PCDH15: variants seen among roughly 807,000 people sequenced by gnomAD.
The protein encoded by PCDH15 is protocadherin related 15.
Under a neutral mutation model 178.5 loss-of-function variants are expected in PCDH15, and 129 were observed. The ratio of observed to expected loss-of-function variants is 0.72; its 90% CI spans 0.63 to 0.84. The LOEUF (loss-of-function observed/expected upper bound fraction) is 0.84, where lower values mean the gene tolerates loss of function less well. PCDH15 is among the 40% of genes least tolerant of loss of function. PCDH15 has a pLI of 0.00. For missense variants in PCDH15, 2,230 were observed against 2,099.9 expected (o/e 1.06, Z -1.21); for synonymous variants, 800 against 732.0 (o/e 1.09, Z -1.50).
At chr10:54,364,103 T>G (rs1324643116) in intron 5 of PCDH15, among the ~76,000 whole-genome samples, 1 of 151,758 alleles carries the variant, frequency 6.6e-6, no homozygotes, top group Non-Finnish European at 1.5e-5. Flanking sequence ...TTCCAGCTAC[T>G]CGGGAGGCTG....
chr10:54,462,539 G>T, intron 3 of PCDH15, among the ~76,000 whole-genome samples: 1 of 105,346 alleles, frequency 9.5e-6, no homozygotes, highest in African/African-American at 4.5e-5. Context: ...TTTTGAGATG[G>T]AGTCTCTCTC....
At chr10:54,829,216 A>G (rs970859322) in intron 3 of PCDH15, among the ~76,000 whole-genome samples, 3 of 151,986 alleles carry the variant, frequency 2.0e-5, no homozygotes, top group Non-Finnish European at 2.9e-5. Context: ...GTCGTAATGA[A>G]TAATAGTGGT....
intron 8 of PCDH15, among the ~76,000 whole-genome samples, chr10:54,261,274 T>C (rs2057298149): frequency 1.3e-5 from 2 of 152,022 alleles, no homozygotes; most frequent in African/African-American, 4.8e-5. Flanking sequence ...AATTTAAACA[T>C]TTTTATAAAA....
intron 8 of PCDH15, among the ~76,000 whole-genome samples, chr10:54,279,319 T>A (rs949376479): frequency 6.6e-6 from 1 of 151,586 alleles, no homozygotes; most frequent in Non-Finnish European, 1.5e-5. Context: ...AGTATATTGA[T>A]ATTCACCGAA....
At chr10:54,510,634 T>C (rs555454957) in intron 3 of PCDH15, among the ~76,000 whole-genome samples, 1 of 152,284 alleles carries the variant, frequency 6.6e-6, no homozygotes, top group East Asian at 1.9e-4. Flanking sequence ...CAGGTCATTG[T>C]TTCAGACAAA....
At chr10:55,070,122 GTTGT>G (rs1238746867) in intron 2 of PCDH15, among the ~76,000 whole-genome samples, 2 of 150,474 alleles carry the variant, frequency 1.3e-5, no homozygotes, top group African/African-American at 2.4e-5. Flanking sequence ...TTTTGATGGG[GTTGT>G]TTGTTTTTTT....
chr10:55,507,314 T>G (rs1335505270), intron 2 of PCDH15, among the ~76,000 whole-genome samples: 4 of 151,374 alleles, frequency 2.6e-5, no homozygotes, highest in Non-Finnish European at 5.9e-5. Flanking sequence ...TAAGTGGCTG[T>G]CATCTACATC....
intron 2 of PCDH15, among the ~76,000 whole-genome samples, chr10:55,114,525 C>T (rs186855074): frequency 5.9e-5 from 9 of 152,306 alleles, no homozygotes; most frequent in African/African-American, 1.2e-4. Context: ...TATCTAACTA[C>T]GGTCTGGATT....
chr10:54,055,560 G>A (rs2093868148), intron 18 of PCDH15, among the ~76,000 whole-genome samples: 1 of 152,046 alleles, frequency 6.6e-6, no homozygotes, highest in Admixed American at 6.6e-5. Flanking sequence ...AAATAATTTA[G>A]TCCTTAAACT....
chr10:55,370,052 T>C (rs752524971), intron 2 of PCDH15, among the ~76,000 whole-genome samples: 11 of 152,064 alleles, frequency 7.2e-5, no homozygotes, highest in Non-Finnish European at 1.3e-4. Flanking sequence ...TTTAGCATTT[T>C]TAAAAGATCT....
chr10:54,259,612 T>C (rs1423620656), intron 8 of PCDH15, among the ~76,000 whole-genome samples: 1 of 152,174 alleles, frequency 6.6e-6, no homozygotes, highest in East Asian at 1.9e-4. Flanking sequence ...ATAATTACTA[T>C]GGCTCTATCT....
intron 3 of PCDH15, among the ~76,000 whole-genome samples, chr10:54,890,665 A>G (rs1395075433): frequency 6.6e-6 from 1 of 152,064 alleles, no homozygotes; most frequent in East Asian, 1.9e-4. Flanking sequence ...ATCATTAGCT[A>G]GGTAGAGTAT....
intron 21 of PCDH15, among the ~76,000 whole-genome samples, chr10:53,987,105 A>G (rs1320710204): frequency 6.6e-6 from 1 of 152,198 alleles, no homozygotes; most frequent in Non-Finnish European, 1.5e-5. Context: ...ATATCTAAAT[A>G]TATACTAGTA....
At chr10:55,123,576 T>C (rs1034574986) in intron 2 of PCDH15, among the ~76,000 whole-genome samples, 10 of 152,204 alleles carry the variant, frequency 6.6e-5, no homozygotes, top group African/African-American at 2.4e-4. Flanking sequence ...CAAAGCTGAA[T>C]AGTAAACATT....
intron 17 of PCDH15, among the ~76,000 whole-genome samples, chr10:54,070,923 T>C (rs2094229544): frequency 6.6e-6 from 1 of 152,070 alleles, no homozygotes; most frequent in East Asian, 1.9e-4. Flanking sequence ...GTTGTTGTTT[T>C]TTAATAGTAT....
chr10:54,910,247 C>G (rs1467422787), intron 2 of PCDH15, among the ~76,000 whole-genome samples: 1 of 152,166 alleles, frequency 6.6e-6, no homozygotes, highest in Non-Finnish European at 1.5e-5. Flanking sequence ...TCAATACCAC[C>G]AATACCTTCT....
chr10:54,262,342 G>A (rs2057372453), intron 8 of PCDH15, among the ~76,000 whole-genome samples: 1 of 152,124 alleles, frequency 6.6e-6, no homozygotes. Flanking sequence ...CATCACCCAT[G>A]CTGCGTGATT....
chr10:55,475,429 A>AT (rs1194098623), intron 2 of PCDH15, among the ~76,000 whole-genome samples: 3 of 152,288 alleles, frequency 2.0e-5, no homozygotes, highest in African/African-American at 7.2e-5. Context: ...GTATCACATT[A>AT]TTTGAGGAAA....
chr10:54,074,292 A>T (rs72794999), intron 17 of PCDH15, among the ~76,000 whole-genome samples: 25,934 of 151,952 alleles, frequency 0.17, 2,777 homozygotes, highest in Non-Finnish European at 0.25. Flanking sequence ...CATCTCTAAA[A>T]CTCTTTTAAT....
Sources: allele counts gnomAD v4.1 joint callset (sites outside exome capture counted in the v4.1 genomes callset), GRCh38; gene constraint gnomAD v4.1.1; transcripts MANE v1.5; gene names NCBI Gene and HGNC (gene_info 2026-07-23, HGNC 2026-07-21).